SF3A1: variants seen among roughly 807,000 people sequenced by gnomAD.
SF3A1 encodes splicing factor 3a subunit 1.
Under a neutral mutation model 89.9 loss-of-function variants are expected in SF3A1, and 13 were observed. The observed-to-expected ratio is 0.14, with a 90% CI of 0.09 to 0.23. The LOEUF (loss-of-function observed/expected upper bound fraction) is 0.23. Among genes scored for constraint, SF3A1 ranks in the 10% least tolerant of loss-of-function variants. SF3A1 has a pLI of 1.00. For synonymous variants in SF3A1, 405 were observed against 374.4 expected (o/e 1.08, Z -0.94); for missense variants, 604 against 1,022.1 (o/e 0.59, Z 5.58).
Position 30,332,395 on chromosome 22 carries a change from C to G in SF3A1, c.*2199G>C, listed in dbSNP as rs1330697798. 1 of 152,222 alleles carries G rather than the reference C, an allele frequency of 6.6e-6. No homozygotes were observed. The highest frequency in any genetic ancestry group is 1.5e-5 in the Non-Finnish European group (1 of 68,038). The allele number at this position is 152,222 out of a possible 1,614,324, so 9.4% of individuals were successfully genotyped here. A position where few individuals can be genotyped will look rare whatever the true frequency, so the allele number is the denominator to read the frequency against. On this transcript the variant is annotated 3_prime_UTR_variant, in exon 16 of 16. Transcript: ENST00000215793. ...ACCTGTTTTCCCAGCAGTCCTGCAA[C>G]AGGAGCACTTATTCCTATTTCATAG...
intron 13 of SF3A1, among the ~76,000 whole-genome samples, chr22:30,336,221 T>G (rs906706653): frequency 6.6e-6 from 1 of 152,134 alleles, no homozygotes; most frequent in Admixed American, 6.5e-5. Context: ...TGGGAACTAT[T>G]ATTAAAAAAC....
chr22:30,335,400 G>C (rs1269221690), intron 15 of SF3A1, 67 bp downstream of exon 15: 56 of 1,360,072 alleles, frequency 4.1e-5, no homozygotes, highest in Non-Finnish European at 5.8e-5. Flanking sequence ...TTCCATGACA[G>C]ATTTAGCTTC....
intron 8 of SF3A1, 74 bp from the exon 9 acceptor site, chr22:30,340,455 G>A (rs898350296): frequency 7.0e-6 from 10 of 1,426,060 alleles, no homozygotes; most frequent in East Asian, 2.3e-5. Context: ...TATTTCATGC[G>A]TGCATCATTC....
chr22:30,343,156 G>T (rs1045194640), intron 4 of SF3A1, among the ~76,000 whole-genome samples: 1 of 152,170 alleles, frequency 6.6e-6, no homozygotes, highest in African/African-American at 2.4e-5. Context: ...AGCACTAGCC[G>T]ATTACCCAGA....
intron 9 of SF3A1, among the ~76,000 whole-genome samples, chr22:30,339,626 C>T (rs1169536450): frequency 1.3e-5 from 2 of 152,086 alleles, no homozygotes; most frequent in Admixed American, 6.6e-5. Flanking sequence ...TGTGGTGGTG[C>T]GTGCCTGTAA....
At chr22:30,352,394 A>G (rs887512142) in intron 2 of SF3A1, among the ~76,000 whole-genome samples, 2 of 152,094 alleles carry the variant, frequency 1.3e-5, no homozygotes, top group African/African-American at 4.8e-5. Context: ...ATTCTATCTG[A>G]GGTGGCGGCT....
chr22:30,356,522 C>A (rs1569178100), intron 1 of SF3A1: 2 of 405,886 alleles, frequency 4.9e-6, no homozygotes, highest in East Asian at 7.2e-5. Flanking sequence ...CTCGTGCCGA[C>A]GGGGCTGCTC....
chr22:30,347,455 G>C (rs1349550513), intron 2 of SF3A1, among the ~76,000 whole-genome samples: 1 of 152,200 alleles, frequency 6.6e-6, no homozygotes, highest in Non-Finnish European at 1.5e-5. Flanking sequence ...TCAGATGACA[G>C]GGGTGTGGTA....
rs1931282175 is a variant in SF3A1 at position 30,342,211 on chromosome 22, G to T, written c.866C>A (p.Pro289His). Residue 289 changes from proline to histidine, a missense_variant, in exon 6 of 16, where the codon CCC becomes CAC. By Grantham distance (77) the Pro-to-His change is moderately conservative. Coordinates refer to ENST00000215793, the MANE Select transcript of SF3A1 (RefSeq NM_005877.6). ...CCTCACAGACCTACCTTGCTCATTG[G>T]GTTGGAAGTCCACTGTTTCCACCAC... The part of the protein sequence containing the change: ...FVVVETVDFQ[P>H]NEQGNFPPPT... 6.2e-7 allele frequency: 1 copy of T among 1,614,002 alleles called. No individual in the cohort carries two copies. Among genetic ancestry groups the T allele is most frequent in the Non-Finnish European group, 8.5e-7 (1 of 1,180,028 alleles).
In SF3A1 at chr22:30,345,045, T is replaced by G. The variant is rs747995068; in HGVS notation, c.539A>C (p.Gln180Pro). The G allele has an allele frequency of 2.5e-6, 4 of 1,614,094 alleles. No homozygotes were observed. In the African/African-American group the frequency reaches 5.3e-5, roughly 22 times the overall value. The part of the protein sequence containing the change: ...TAQFVARNGR[Q>P]FLTQLMQKEQ... ...TTTCTGCATCAGCTGGGTCAGAAACTGGCGCCCATTCCTGGCCACAAACTG... is the reference window on the plus strand; with the variant it reads ...TTTCTGCATCAGCTGGGTCAGAAACGGGCGCCCATTCCTGGCCACAAACTG... The change falls in exon 4 of 16, where the codon CAG becomes CCG. Residue 180 changes from glutamine to proline, a missense_variant. Around this residue, in one of 9 missense-constraint regions of SF3A1, gnomAD observed 162 missense variants for 229.2 expected, o/e 0.71. Coordinates refer to ENST00000215793, the MANE Select transcript of SF3A1 (RefSeq NM_005877.6).
intron 2 of SF3A1, among the ~76,000 whole-genome samples, chr22:30,351,497 T>C (rs1394388015): frequency 1.3e-5 from 2 of 152,132 alleles, no homozygotes; most frequent in Non-Finnish European, 2.9e-5. Flanking sequence ...TCCAGACTGA[T>C]TGTGAAATCT....
intron 2 of SF3A1, 65 bp downstream of exon 2, chr22:30,352,886 T>C (rs1931644507): frequency 1.9e-6 from 3 of 1,587,630 alleles, no homozygotes; most frequent in Non-Finnish European, 2.6e-6. Context: ...ACCCTTGTGC[T>C]GATTCAGTGC....
At chr22:30,337,260 A>ACCC in intron 12 of SF3A1, 80 bp from the exon 13 acceptor site, 1 of 1,322,598 alleles carries the variant, frequency 7.6e-7, no homozygotes. Flanking sequence ...TTGAGAGGGA[A>ACCC]GGTTGCAAAG....
intron 4 of SF3A1, among the ~76,000 whole-genome samples, chr22:30,344,530 TG>T (rs1376702947): frequency 1.3e-5 from 2 of 152,142 alleles, no homozygotes; most frequent in Non-Finnish European, 2.9e-5. Context: ...TTCTCAAACA[TG>T]GGGGGAAAAC....
chr22:30,339,365 G>A, intron 9 of SF3A1, 114 bp from the exon 10 acceptor site: 1 of 1,308,046 alleles, frequency 7.6e-7, no homozygotes, highest in Non-Finnish European at 1.1e-6. Flanking sequence ...TGGGATGAGG[G>A]TGACTCAGGG....
intron 7 of SF3A1, among the ~76,000 whole-genome samples, chr22:30,341,247 G>A (rs1931243067): frequency 6.6e-6 from 1 of 152,192 alleles, no homozygotes; most frequent in Non-Finnish European, 1.5e-5. Context: ...TCCGAGTGGG[G>A]GAGAACAGTC....
chr22:30,342,099 C>G, intron 6 of SF3A1, 101 bp downstream of exon 6: 1 of 1,406,406 alleles, frequency 7.1e-7, no homozygotes, highest in Non-Finnish European at 1.0e-6. Flanking sequence ...CTGATAAAGC[C>G]CTCTGAGAGA....
At chr22:30,335,140 G>A (rs893611286) in intron 15 of SF3A1, among the ~76,000 whole-genome samples, 4 of 152,166 alleles carry the variant, frequency 2.6e-5, no homozygotes, top group Non-Finnish European at 4.4e-5. Context: ...GCTGCCTGAG[G>A]TCATACTGGC....
In SF3A1 at chr22:30,335,870, C is replaced by G. The variant is rs1164740761; in HGVS notation, c.2107-117G>C. 1.2e-5 allele frequency: 10 copies of G among 835,846 alleles called. No individual in the cohort carries two copies. In the East Asian group the frequency reaches 2.5e-4, roughly 21 times the overall value. The allele number at this position is 835,846 out of a possible 1,614,324, so 51.8% of individuals were successfully genotyped here. On this transcript the variant is annotated intron_variant, in intron 13 of 15. Transcript: ENST00000215793. ...ACCTGTGCATCTGGGCTCCTGGATT[C>G]TGGCCTGATTCACCACTGATAACCC... is the stretch of plus-strand genomic sequence containing the variant.
Sources: gnomAD v4.1 joint callset for allele counts (sites outside exome capture counted in the v4.1 genomes callset) on GRCh38, gnomAD v4.1.1 for gene constraint, gnomAD v4.1.1 regional missense constraint, MANE v1.5 for transcripts, NCBI Gene and HGNC (gene_info 2026-07-23, HGNC 2026-07-21) for gene names.